KCNMA1: variants seen among roughly 807,000 people sequenced by gnomAD.
KCNMA1 encodes Calcium-activated potassium channel subunit alpha-1.
KCNMA1 carries 29 observed loss-of-function variants against 140.0 expected under a neutral mutation model. The observed-to-expected ratio is 0.21, with a 90% CI of 0.15 to 0.28. The LOEUF is 0.28. KCNMA1 is among the 10% of genes least tolerant of loss of function. KCNMA1 has a pLI of 1.00. For missense variants in KCNMA1, 880 were observed against 1,602.2 expected (o/e 0.55, Z 7.70); for synonymous variants, 612 against 611.9 (o/e 1.00, Z 0.00).
intron 2 of KCNMA1, among the ~76,000 whole-genome samples, chr10:77,292,690 TA>T (rs2073691026): frequency 6.6e-6 from 1 of 152,168 alleles, no homozygotes; most frequent in African/African-American, 2.4e-5. Flanking sequence ...GTGACCTACT[TA>T]GCCATTCCAC....
chr10:77,405,101 G>A (rs2096426908), intron 1 of KCNMA1, among the ~76,000 whole-genome samples: 1 of 152,142 alleles, frequency 6.6e-6, no homozygotes. Context: ...GCCCCACACA[G>A]GGGCCGAAAC....
At chr10:76,917,863 GA>G (rs556680195) in intron 23 of KCNMA1, among the ~76,000 whole-genome samples, 150 of 152,236 alleles carry the variant, frequency 9.9e-4, no homozygotes, top group South Asian at 8.1e-3. Flanking sequence ...ACTGATATGG[GA>G]AAATTATGGT....
intron 1 of KCNMA1, among the ~76,000 whole-genome samples, chr10:77,553,419 T>C (rs1313995640): frequency 6.6e-6 from 1 of 152,154 alleles, no homozygotes; most frequent in Non-Finnish European, 1.5e-5. Context: ...CCAGGCGCCG[T>C]TGACACTCCT....
intron 2 of KCNMA1, among the ~76,000 whole-genome samples, chr10:77,272,752 CTAAA>C (rs1403646716): frequency 6.6e-6 from 1 of 152,152 alleles, no homozygotes; most frequent in East Asian, 1.9e-4. Flanking sequence ...AAGAATAATG[CTAAA>C]TGTTAGATCA....
chr10:77,420,653 T>C (rs1014405709), intron 1 of KCNMA1, among the ~76,000 whole-genome samples: 3 of 146,318 alleles, frequency 2.1e-5, no homozygotes, highest in African/African-American at 4.9e-5. Flanking sequence ...CCTGGTGGAT[T>C]TGTAGCAGGT....
At chr10:77,440,042 C>G (rs2097363131) in intron 1 of KCNMA1, among the ~76,000 whole-genome samples, 1 of 152,186 alleles carries the variant, frequency 6.6e-6, no homozygotes, top group Non-Finnish European at 1.5e-5. Flanking sequence ...GTGCTGGACT[C>G]TCAATTCTGA....
At chr10:77,143,390 C>T (rs1210230146) in intron 5 of KCNMA1, among the ~76,000 whole-genome samples, 1 of 151,738 alleles carries the variant, frequency 6.6e-6, no homozygotes, top group Admixed American at 6.6e-5. Flanking sequence ...TGTGTCGTGC[C>T]CCCCAAAAAG....
At chr10:77,430,402 C>T (rs1405961970) in intron 1 of KCNMA1, among the ~76,000 whole-genome samples, 1 of 152,194 alleles carries the variant, frequency 6.6e-6, no homozygotes, top group Non-Finnish European at 1.5e-5. Flanking sequence ...CCTTTAAATA[C>T]TGAAGTTCTC....
At chr10:77,260,085 TTC>T (rs1184816821) in intron 2 of KCNMA1, among the ~76,000 whole-genome samples, 4 of 152,156 alleles carry the variant, frequency 2.6e-5, no homozygotes, top group Non-Finnish European at 5.9e-5. Flanking sequence ...TGAGATGCAG[TTC>T]CAGGTAATGG....
At chr10:77,134,001 A>G (rs2097919433) in intron 5 of KCNMA1, among the ~76,000 whole-genome samples, 1 of 152,214 alleles carries the variant, frequency 6.6e-6, no homozygotes, top group Admixed American at 6.5e-5. Context: ...TTTACAGACA[A>G]TAAAGAGGTC....
intron 1 of KCNMA1, among the ~76,000 whole-genome samples, chr10:77,485,282 C>T (rs250706): frequency 0.15 from 22,594 of 152,182 alleles, 1,831 homozygotes; most frequent in African/African-American, 0.19. Context: ...GAGTGATAAA[C>T]GTAAATAGAA....
chr10:76,920,016 GTGTGTA>G (rs1277821153), intron 23 of KCNMA1, among the ~76,000 whole-genome samples: 20 of 44,300 alleles, frequency 4.5e-4, no homozygotes, highest in African/African-American at 9.3e-4. Flanking sequence ...GTGTGTGTGT[GTGTGTA>G]TATATATATA....
At chr10:77,129,942 T>C (rs1425421460) in intron 5 of KCNMA1, among the ~76,000 whole-genome samples, 1 of 152,172 alleles carries the variant, frequency 6.6e-6, no homozygotes, top group Non-Finnish European at 1.5e-5. Flanking sequence ...CATTGAAATA[T>C]ATAGTAACAG....
rs553783220 is a variant in KCNMA1, at chr10:77,159,301, C to T, written c.808+24120G>A. Among the ~76,000 whole-genome samples the T allele has an allele frequency of 6.0e-4, 91 of 152,188 alleles. 1 individual carries two copies. The highest frequency in any genetic ancestry group is 3.4e-3 in the Middle Eastern group (1 of 294). ...AAAACAATAGCCAAGTAACATCATC[C>T]GCTCCTTTCTTTCTTTTCTTCCCTA... On this transcript the variant is annotated intron_variant, in intron 5 of 27. Coordinates refer to ENST00000286628, the MANE Select transcript of KCNMA1 (RefSeq NM_001161352.2).
intron 1 of KCNMA1, among the ~76,000 whole-genome samples, chr10:77,505,011 G>A (rs1052200267): frequency 6.6e-6 from 1 of 152,082 alleles, no homozygotes; most frequent in Non-Finnish European, 1.5e-5. Context: ...AGATTCCTTG[G>A]CCATCTGTTC....
At chr10:76,940,599 A>G (rs1392388723) in intron 23 of KCNMA1, among the ~76,000 whole-genome samples, 1 of 152,198 alleles carries the variant, frequency 6.6e-6, no homozygotes, top group East Asian at 1.9e-4. Flanking sequence ...ATAAAGGACC[A>G]TAGAATACAT....
At chr10:77,373,287 C>T (rs2094865493) in intron 2 of KCNMA1, among the ~76,000 whole-genome samples, 1 of 152,148 alleles carries the variant, frequency 6.6e-6, no homozygotes, top group South Asian at 2.1e-4. Flanking sequence ...TTATACTTTG[C>T]CACCCAGGTG....
chr10:77,223,712 C>T (rs1188193922), intron 3 of KCNMA1, among the ~76,000 whole-genome samples: 2 of 152,148 alleles, frequency 1.3e-5, no homozygotes, highest in African/African-American at 4.8e-5. Context: ...CCTCTAACCA[C>T]AGATGACTTC....
At chr10:77,011,332 G>A (rs1012486150) in intron 18 of KCNMA1, among the ~76,000 whole-genome samples, 5 of 152,144 alleles carry the variant, frequency 3.3e-5, no homozygotes, top group African/African-American at 1.2e-4. Context: ...GAAGGGACTT[G>A]AGACAGAATA....
Sources: gnomAD v4.1 joint callset for allele counts (sites outside exome capture counted in the v4.1 genomes callset) on GRCh38, gnomAD v4.1.1 for gene constraint, MANE v1.5 for transcripts, NCBI Gene and HGNC (gene_info 2026-07-23, HGNC 2026-07-21) for gene names.